The following TBC1D1 variants were observed in gnomAD, a reference collection of about 807,000 sequenced individuals.
TBC1D1 encodes the protein TBC1 (tre-2/USP6, BUB2, cdc16) domain family, member 1.
Under a neutral mutation model 125.6 loss-of-function variants are expected in TBC1D1, and 89 were observed. The ratio of observed to expected loss-of-function variants is 0.71; its 90% confidence interval spans 0.60 to 0.85. The LOEUF (loss-of-function observed/expected upper bound fraction) is 0.85. TBC1D1 is among the 40% of genes least tolerant of loss of function. TBC1D1 has a pLI of 0.00. For synonymous variants in TBC1D1, 565 were observed against 564.1 expected, an observed-to-expected ratio of 1.00 and a Z score of -0.02; for missense variants, 1,377 against 1,469.2, an observed-to-expected ratio of 0.94 and a Z score of 1.03.
At chr4:38,106,027 G>T (rs1436835372) in intron 15 of TBC1D1, among the ~76,000 whole-genome samples, 1 of 152,008 alleles carries the variant, frequency 6.6e-6, no homozygotes, top group African/African-American at 2.4e-5. Context: ...CACCTCCCCC[G>T]CCTGTCCTTA....
rs756742486 is a variant in TBC1D1, at chr4:38,049,761, G to T, written c.1773G>T (p.Arg591Ser). 2 of 1,614,168 alleles carry T rather than the reference G, an allele frequency of 1.2e-6. No individual in the cohort carries two copies. The highest frequency in any genetic ancestry group is 2.2e-5 in the South Asian group (2 of 91,080). The change falls in exon 11 of 20, where the codon AGG becomes AGT. Residue 591 changes from arginine to serine, a missense_variant. Around this residue, in one of 3 missense-constraint regions of TBC1D1, gnomAD observed 822 missense variants for 824.6 expected, o/e 1.00. Coordinates refer to ENST00000261439, the MANE Select transcript of TBC1D1 (RefSeq NM_015173.4). ...CGCTGTCGCCCCAGCAGGCCTTCAG[G>T]AGGCGAGCAAACACCCTGAGTCACT...
intron 14 of TBC1D1, among the ~76,000 whole-genome samples, chr4:38,096,584 T>C (rs536844281): frequency 2.6e-5 from 4 of 152,194 alleles, no homozygotes; most frequent in Non-Finnish European, 4.4e-5. Context: ...TGACAGTGGA[T>C]GTTGTGAGGA....
chr4:38,091,354 A>C (rs1374222685), intron 13 of TBC1D1, among the ~76,000 whole-genome samples: 1 of 152,228 alleles, frequency 6.6e-6, no homozygotes, highest in African/African-American at 2.4e-5. Flanking sequence ...GGGGGCGTTT[A>C]GAGCAGGTGA....
At chr4:37,984,313 ATGTT>A (rs758106052) in intron 2 of TBC1D1, among the ~76,000 whole-genome samples, 4 of 152,176 alleles carry the variant, frequency 2.6e-5, no homozygotes, top group Non-Finnish European at 4.4e-5. Context: ...ATGTAAGATT[ATGTT>A]TGTTTTTGTG....
rs764370273 is a variant in TBC1D1, at chr4:38,014,829, T to G, written c.738T>G (p.Phe246Leu). The G allele has an allele frequency of 2.5e-6, 4 of 1,611,720 alleles. No individual in the cohort carries two copies. The highest frequency in any genetic ancestry group is 1.7e-5 in the Admixed American group (1 of 59,944). Reference sequence around the variant, plus strand: ...AGCCCGGCCTGCGCTCGCTGGCCTTTAGGAAGGAGCTGCAGGATGGGGGCC... The same window carrying G: ...AGCCCGGCCTGCGCTCGCTGGCCTTGAGGAAGGAGCTGCAGGATGGGGGCC... The change falls in exon 3 of 20, where the codon TTT becomes TTG. Residue 246 changes from phenylalanine to leucine, a missense_variant. This residue lies in a region of TBC1D1 where 822 missense variants were observed against 824.6 expected (regional missense o/e 1.00). Coordinates refer to ENST00000261439, the MANE Select transcript of TBC1D1 (RefSeq NM_015173.4). The surrounding 1 kb of genome is among the most constrained non-coding windows in gnomAD (Gnocchi z 5.1).
Position 37,977,194 on chromosome 4 carries a change from C to G in TBC1D1, c.418-37315C>G, listed in dbSNP as rs1199108975. Reference sequence around the variant, plus strand: ...CCAGCATGTCCCAACTTCCCGCCAGCAGCGGAGCGCGGGGGTGGGCGGGGT... The same window carrying G: ...CCAGCATGTCCCAACTTCCCGCCAGGAGCGGAGCGCGGGGGTGGGCGGGGT... On this transcript the variant is annotated intron_variant, in intron 2 of 19. Transcript: ENST00000261439. The surrounding 1 kb of genome is among the most constrained non-coding windows in gnomAD (Gnocchi z 4.3). The G allele has an allele frequency of 2.6e-5, 4 of 152,186 alleles. No individual in the cohort carries two copies. Among genetic ancestry groups the G allele is most frequent in the Non-Finnish European group, 5.9e-5 (4 of 68,056 alleles). 9.4% of individuals were successfully genotyped at this position (152,186 alleles called of 1,614,324 possible). A position where few individuals can be genotyped will look rare whatever the true frequency, so the allele number is the denominator to read the frequency against.
chr4:37,893,134 C>T (rs770035044), intron 1 of TBC1D1, among the ~76,000 whole-genome samples: 3 of 152,178 alleles, frequency 2.0e-5, no homozygotes, highest in Non-Finnish European at 2.9e-5. Context: ...ACCACAGCTG[C>T]CTGCTCTGTT....
intron 2 of TBC1D1, among the ~76,000 whole-genome samples, chr4:38,007,647 C>T (rs1184353016): frequency 6.6e-6 from 1 of 152,200 alleles, no homozygotes; most frequent in Non-Finnish European, 1.5e-5. Flanking sequence ...GTAGCACTTG[C>T]TTTCCACCCT....
At chr4:38,010,094 G>A (rs1185893055) in intron 2 of TBC1D1, among the ~76,000 whole-genome samples, 1 of 152,222 alleles carries the variant, frequency 6.6e-6, no homozygotes, top group Non-Finnish European at 1.5e-5. Context: ...AGTAAATATT[G>A]TAATTGGAAG....
chr4:38,119,139 G>C (rs1763456676), intron 17 of TBC1D1, among the ~76,000 whole-genome samples: 2 of 152,062 alleles, frequency 1.3e-5, no homozygotes, highest in African/African-American at 4.8e-5. Context: ...AAAAACATGT[G>C]ATCTTTAAAA....
intron 1 of TBC1D1, among the ~76,000 whole-genome samples, chr4:37,900,178 G>C (rs995135510): frequency 1.3e-5 from 2 of 151,234 alleles, no homozygotes; most frequent in African/African-American, 2.4e-5. Flanking sequence ...TGAGAAATTC[G>C]TCAGAGCAAA....
intron 2 of TBC1D1, among the ~76,000 whole-genome samples, chr4:37,905,475 C>T (rs1234454067): frequency 6.6e-6 from 1 of 152,150 alleles, no homozygotes; most frequent in African/African-American, 2.4e-5. Flanking sequence ...CAAATTAGGC[C>T]TGTAAGGTGG....
At chr4:38,074,335 A>G (rs971491202) in intron 12 of TBC1D1, among the ~76,000 whole-genome samples, 20 of 152,210 alleles carry the variant, frequency 1.3e-4, no homozygotes, top group Admixed American at 1.0e-3. Context: ...CTTTACAATC[A>G]TCCCAACACA....
intron 12 of TBC1D1, among the ~76,000 whole-genome samples, chr4:38,057,205 T>C (rs2052694): frequency 0.57 from 87,021 of 152,044 alleles, 25,986 homozygotes; most frequent in African/African-American, 0.75. Flanking sequence ...CTGATGCAGG[T>C]TCCCACTAGC....
chr4:37,895,184 T>C (rs866393989), intron 1 of TBC1D1, among the ~76,000 whole-genome samples: 1 of 152,366 alleles, frequency 6.6e-6, no homozygotes. Flanking sequence ...AATGATAATA[T>C]TCCTTTATTG....
chr4:38,127,434 G>C (rs1346093787), intron 18 of TBC1D1, among the ~76,000 whole-genome samples: 1 of 149,948 alleles, frequency 6.7e-6, no homozygotes, highest in African/African-American at 2.5e-5. Context: ...ACCCAGGCTG[G>C]AATGCGGTGG....
At chr4:37,943,163 C>T (rs1316457177) in intron 2 of TBC1D1, among the ~76,000 whole-genome samples, 2 of 152,142 alleles carry the variant, frequency 1.3e-5, no homozygotes, top group Non-Finnish European at 2.9e-5. Context: ...GAATATTGGC[C>T]CCCACTCTCT....
At position 37,982,978 on chromosome 4, in the gene TBC1D1, TTGG is replaced by T. The variant is rs1329180121; in HGVS notation, c.418-31527_418-31525del. On this transcript the variant is annotated intron_variant, in intron 2 of 19. Coordinates refer to ENST00000261439, the MANE Select transcript of TBC1D1 (RefSeq NM_015173.4). ...TTGGTGGAGCTGCACTCACAGGAGG[TTGG>T]TGGGCCTGGAGCGAGACTGCTGGGG... is the stretch of plus-strand genomic sequence containing the variant. Among the ~76,000 whole-genome samples the T allele has an allele frequency of 2.0e-5, 3 of 152,022 alleles. No homozygotes were observed. The East Asian group carries it at 5.8e-4, about 29-fold the overall frequency.
intron 10 of TBC1D1, among the ~76,000 whole-genome samples, chr4:38,048,630 C>T (rs1463890266): frequency 6.8e-6 from 1 of 147,140 alleles, no homozygotes; most frequent in Admixed American, 6.8e-5. Flanking sequence ...ATTCAGTCTC[C>T]AGTCCACTGT....
Sources: allele counts gnomAD v4.1 joint callset (sites outside exome capture counted in the v4.1 genomes callset), GRCh38; gene constraint gnomAD v4.1.1; regional missense constraint gnomAD v4.1.1; non-coding constraint Gnocchi (gnomAD v3.1); transcripts MANE v1.5; gene names NCBI Gene and HGNC (gene_info 2026-07-23, HGNC 2026-07-21).